Variants in PRDM16 observed in about 807,000 individuals in gnomAD.
The protein encoded by PRDM16 is PR/SET domain 16.
Under a neutral mutation model 110.6 loss-of-function variants are expected in PRDM16, and 23 were observed. The observed-to-expected ratio is 0.21, with a 90% CI of 0.15 to 0.29. The LOEUF (loss-of-function observed/expected upper bound fraction) is 0.29. Ranked by LOEUF, PRDM16 falls within the 10% of genes least tolerant of loss-of-function variation. The probability of loss-of-function intolerance (pLI) is 1.00; values close to 1 mark genes in which losing one functional copy is unlikely to be tolerated. For synonymous variants in PRDM16, 799 were observed against 781.8 expected (o/e 1.02, Z -0.37); for missense variants, 1,615 against 1,794.3 (o/e 0.90, Z 1.81).
chr1:3,295,423 G>A (rs1421783938), intron 3 of PRDM16, among the ~76,000 whole-genome samples: 1 of 152,154 alleles, frequency 6.6e-6, no homozygotes, highest in Non-Finnish European at 1.5e-5. Context: ...TCACGGAGGT[G>A]CGACTTCCTC....
intron 1 of PRDM16, chr1:3,132,912 G>A (rs1363777921): frequency 6.6e-6 from 1 of 152,244 alleles, no homozygotes; most frequent in Admixed American, 6.5e-5. Flanking sequence ...CAGATACTGT[G>A]AATCTGTCCC....
rs1038679478 is a variant in PRDM16, at chr1:3,081,683, A to G, written c.37+12387A>G. Among the ~76,000 whole-genome samples the G allele has an allele frequency of 2.6e-5, 4 of 152,222 alleles. No individual in the cohort carries two copies. The highest frequency in any genetic ancestry group is 2.6e-4 in the Admixed American group (4 of 15,298). ...GGCAGGACAGCTGGACCTCCTGGCCACACAGCCGCTTCCCACCCCTGGGTG... is the reference window on the plus strand; with the variant it reads ...GGCAGGACAGCTGGACCTCCTGGCCGCACAGCCGCTTCCCACCCCTGGGTG... On this transcript the variant is annotated intron_variant, in intron 1 of 16. Coordinates refer to ENST00000270722, the MANE Select transcript of PRDM16 (RefSeq NM_022114.4). The surrounding 1 kb of genome is among the most constrained non-coding windows in gnomAD (Gnocchi z 4.6).
rs987150437 is a variant in PRDM16 at position 3,081,272 on chromosome 1, C to T, written c.37+11976C>T. ...CCTCGCGGCTGTACCCCGAGTCCCC[C>T]GTGCTGGCACCTGATAAGGGGTCAT... is the stretch of plus-strand genomic sequence containing the variant. On this transcript the variant is annotated intron_variant, in intron 1 of 16. Transcript: ENST00000270722. The surrounding 1 kb of genome is among the most constrained non-coding windows in gnomAD (Gnocchi z 4.6). Among the ~76,000 whole-genome samples the T allele has an allele frequency of 2.0e-5, 3 of 152,218 alleles. No homozygotes were observed. Among genetic ancestry groups the T allele is most frequent in the Middle Eastern group, 3.2e-3 (1 of 316 alleles).
chr1:3,140,402 G>T (rs940804688), intron 1 of PRDM16, among the ~76,000 whole-genome samples: 1 of 152,134 alleles, frequency 6.6e-6, no homozygotes, highest in African/African-American at 2.4e-5. Context: ...AGGCCTTGAC[G>T]GGGCTGGGAG....
chr1:3,141,893 C>T (rs1276756829), intron 1 of PRDM16, among the ~76,000 whole-genome samples: 3 of 152,236 alleles, frequency 2.0e-5, no homozygotes, highest in South Asian at 2.1e-4. Context: ...CCGTTCTGTG[C>T]GGAAGCATGT....
intron 3 of PRDM16, chr1:3,307,861 G>A (rs369210890): frequency 5.3e-5 from 8 of 152,140 alleles, no homozygotes; most frequent in East Asian, 3.9e-4. Context: ...CCAAGGCCAC[G>A]TACATTCACA....
chr1:3,191,762 G>A (rs147117029), intron 2 of PRDM16, among the ~76,000 whole-genome samples: 4 of 152,324 alleles, frequency 2.6e-5, no homozygotes, highest in South Asian at 4.1e-4. Flanking sequence ...GGTGAGGGCA[G>A]CCCAGCCAGG....
At chr1:3,369,329 G>A (rs1642871280) in intron 3 of PRDM16, among the ~76,000 whole-genome samples, 1 of 152,206 alleles carries the variant, frequency 6.6e-6, no homozygotes. Flanking sequence ...GGCTTCCAAG[G>A]GAGATGTCTT....
At chr1:3,387,585 C>T (rs529791478) in intron 4 of PRDM16, among the ~76,000 whole-genome samples, 17 of 152,280 alleles carry the variant, frequency 1.1e-4, no homozygotes, top group East Asian at 9.7e-4. Flanking sequence ...ACAGGGCCAC[C>T]GACGCTCCTG....
At chr1:3,302,799 A>G (rs34966839) in intron 3 of PRDM16, among the ~76,000 whole-genome samples, 18,135 of 152,188 alleles carry the variant, frequency 0.12, 3,576 homozygotes, top group African/African-American at 0.41. Context: ...ACAGTGCGAG[A>G]GCTGAGACAA....
Position 3,228,759 on chromosome 1 carries a change from C to T in PRDM16, c.388-15328C>T, listed in dbSNP as rs116170622. 5.9e-3 allele frequency among the ~76,000 whole-genome samples: 904 copies of T among 152,318 alleles called. 13 individuals carry two copies. The highest frequency in any genetic ancestry group is 0.021 in the African/African-American group (866 of 41,570). Reference sequence around the variant, plus strand: ...TGAGACCCTCTGTCATCCCTCTGCCCGTCCACCTGCACTGTCCACCCAGCT... The same window carrying T: ...TGAGACCCTCTGTCATCCCTCTGCCTGTCCACCTGCACTGTCCACCCAGCT... On this transcript the variant is annotated intron_variant, in intron 2 of 16. Coordinates refer to ENST00000270722, the MANE Select transcript of PRDM16 (RefSeq NM_022114.4).
chr1:3,193,217 C>T lies in PRDM16; in HGVS notation c.387+6743C>T, dbSNP rs117847947. On this transcript the variant is annotated intron_variant, in intron 2 of 16. Coordinates refer to ENST00000270722, the MANE Select transcript of PRDM16 (RefSeq NM_022114.4). ...TGGGAGAGTCACCAATGTTCCCTGA[C>T]GCTGTGGAAGGATGCACTGCCTTCC... is the stretch of plus-strand genomic sequence containing the variant. 1.3e-3 allele frequency among the ~76,000 whole-genome samples: 198 copies of T among 152,328 alleles called. 4 individuals are homozygous for T. The East Asian group carries it at 0.029, about 22-fold the overall frequency.
At chr1:3,259,956 C>A (rs1640125532) in intron 3 of PRDM16, among the ~76,000 whole-genome samples, 1 of 152,176 alleles carries the variant, frequency 6.6e-6, no homozygotes, top group Non-Finnish European at 1.5e-5. Context: ...CTCAAACTCT[C>A]CCCATAGTAT....
chr1:3,132,449 C>A (rs1305594052), intron 1 of PRDM16, among the ~76,000 whole-genome samples: 1 of 152,214 alleles, frequency 6.6e-6, no homozygotes, highest in African/African-American at 2.4e-5. Flanking sequence ...TAGAGGGGCA[C>A]ACATGGCCGG....
intron 3 of PRDM16, among the ~76,000 whole-genome samples, chr1:3,280,655 A>G (rs1433763582): frequency 1.3e-5 from 2 of 152,236 alleles, no homozygotes; most frequent in Non-Finnish European, 2.9e-5. Flanking sequence ...CACTGGCACC[A>G]ACTAAGAACT....
intron 3 of PRDM16, among the ~76,000 whole-genome samples, chr1:3,378,583 G>A (rs1216962609): frequency 6.6e-6 from 1 of 152,130 alleles, no homozygotes; most frequent in Non-Finnish European, 1.5e-5. Context: ...GTACCATGGG[G>A]CAGCAACACC....
At chr1:3,419,339 G>A (rs772912789) in intron 12 of PRDM16, among the ~76,000 whole-genome samples, 10 of 152,352 alleles carry the variant, frequency 6.6e-5, no homozygotes, top group Admixed American at 3.3e-4. Context: ...CTGAGGAGCC[G>A]GCTGGCACCT....
At chr1:3,098,372 C>T (rs960743656) in intron 1 of PRDM16, among the ~76,000 whole-genome samples, 2 of 152,156 alleles carry the variant, frequency 1.3e-5, no homozygotes, top group Non-Finnish European at 2.9e-5. Flanking sequence ...TGGGGGGTTG[C>T]GGAGTGGCGA....
chr1:3,348,414 TG>T lies in PRDM16; in HGVS notation c.439-36733del, dbSNP rs577103778. ...GCAGAGAGTGGAGAGAGGCCAGCGG[TG>T]GGGGCAGCTCTTCAGCACCATCCCC... is the stretch of plus-strand genomic sequence containing the variant. On this transcript the variant is annotated intron_variant, in intron 3 of 16. Transcript: ENST00000270722. Among the ~76,000 whole-genome samples the T allele has an allele frequency of 3.6e-3, 549 of 152,194 alleles. 5 individuals carry two copies. The highest frequency in any genetic ancestry group is 0.013 in the African/African-American group (524 of 41,514).
Sources: allele counts gnomAD v4.1 joint callset (sites outside exome capture counted in the v4.1 genomes callset), GRCh38; gene constraint gnomAD v4.1.1; non-coding constraint Gnocchi (gnomAD v3.1); transcripts MANE v1.5; gene names NCBI Gene and HGNC (gene_info 2026-07-23, HGNC 2026-07-21).